Variants in PDE1C observed in about 807,000 individuals in gnomAD.
The protein encoded by PDE1C is dual specificity calcium/calmodulin-dependent 3',5'-cyclic nucleotide phosphodiesterase 1C.
A neutral mutation model predicts 93.1 loss-of-function variants in PDE1C; 62 were observed. That is an observed-to-expected ratio of 0.67 (90% CI 0.54 to 0.82). PDE1C has a LOEUF of 0.82. Among genes scored for constraint, PDE1C ranks in the 40% least tolerant of loss-of-function variants. PDE1C has a pLI of 0.00. For synonymous variants in PDE1C, 325 were observed against 310.1 expected (o/e 1.05, Z -0.50); for missense variants, 742 against 884.6 (o/e 0.84, Z 2.04).
intron 2 of PDE1C, among the ~76,000 whole-genome samples, chr7:31,961,849 T>C (rs1225271652): frequency 1.3e-5 from 2 of 152,206 alleles, no homozygotes; most frequent in Non-Finnish European, 2.9e-5. Context: ...TTTCTTTATG[T>C]CCTTATCAAT....
At chr7:31,945,283 TAAGAAA>T (rs1806457595) in intron 2 of PDE1C, among the ~76,000 whole-genome samples, 1 of 151,754 alleles carries the variant, frequency 6.6e-6, no homozygotes, top group African/African-American at 2.4e-5. Context: ...AATTAAAAAA[TAAGAAA>T]AAAAGATTTT....
At chr7:32,177,798 C>T (rs79670826) in intron 2 of PDE1C, among the ~76,000 whole-genome samples, 2,532 of 152,246 alleles carry the variant, frequency 0.017, 89 homozygotes, top group African/African-American at 0.057. Context: ...GGAATCTGTG[C>T]GTGTAACACA....
rs111624202 is a variant in PDE1C at position 31,755,006 on chromosome 7, C to T, written c.1961-1453G>A. Among the ~76,000 whole-genome samples the T allele has an allele frequency of 3.1e-3, 479 of 152,266 alleles. 7 individuals are homozygous for T. The highest frequency in any genetic ancestry group is 0.011 in the African/African-American group (453 of 41,558). Reference sequence around the variant, plus strand: ...CCTCACTGAAGAGTGGGGGACAAGACGGTCATCGAAGTAACCTTGTATATG... The same window carrying T: ...CCTCACTGAAGAGTGGGGGACAAGATGGTCATCGAAGTAACCTTGTATATG... On this transcript the variant is annotated intron_variant, in intron 17 of 17. Coordinates refer to ENST00000396191, the MANE Select transcript of PDE1C (RefSeq NM_001191057.4).
At chr7:31,715,994 A>G in the PDE1C span, among the ~76,000 whole-genome samples, 1 of 152,156 alleles carries the variant, frequency 6.6e-6, no homozygotes, top group Non-Finnish European at 1.5e-5. Flanking sequence ...CTCCTGTTAC[A>G]AAGATCCCTG....
chr7:31,852,738 T>C (rs991113897), intron 7 of PDE1C, among the ~76,000 whole-genome samples: 1 of 152,162 alleles, frequency 6.6e-6, no homozygotes, highest in Non-Finnish European at 1.5e-5. Flanking sequence ...TAATCTTACA[T>C]TGTATTTTCT....
intron 16 of PDE1C, among the ~76,000 whole-genome samples, chr7:31,790,718 T>C (rs923580184): frequency 6.6e-6 from 1 of 152,104 alleles, no homozygotes; most frequent in Non-Finnish European, 1.5e-5. Flanking sequence ...CCAGAGACAT[T>C]TAAAGCAAGA....
chr7:31,642,956 C>T, the PDE1C span: 69 of 1,614,040 alleles, frequency 4.3e-5, no homozygotes, highest in Admixed American at 2.8e-4. Flanking sequence ...AAGACCACCA[C>T]GAGGGGAGAA....
At chr7:32,220,889 C>T (rs576637433) in intron 1 of PDE1C, among the ~76,000 whole-genome samples, 5 of 152,248 alleles carry the variant, frequency 3.3e-5, no homozygotes, top group Non-Finnish European at 7.4e-5. Context: ...CTACAACATC[C>T]CAAACAAGTG....
At chr7:31,894,003 T>A (rs769583011) in intron 2 of PDE1C, among the ~76,000 whole-genome samples, 3 of 152,226 alleles carry the variant, frequency 2.0e-5, no homozygotes, top group Non-Finnish European at 4.4e-5. Flanking sequence ...ATATATTCTA[T>A]CATTGTGTGT....
intron 3 of PDE1C, among the ~76,000 whole-genome samples, chr7:32,092,965 C>T (rs1797558905): frequency 6.6e-6 from 1 of 152,190 alleles, no homozygotes; most frequent in African/African-American, 2.4e-5. Flanking sequence ...CTTCAAACTA[C>T]AGCTTTCACC....
At chr7:32,166,163 T>G (rs1294949245) in intron 3 of PDE1C, among the ~76,000 whole-genome samples, 4 of 152,188 alleles carry the variant, frequency 2.6e-5, no homozygotes, top group Non-Finnish European at 5.9e-5. Context: ...ATTGTAAAAT[T>G]TTATTTGTCA....
intron 7 of PDE1C, among the ~76,000 whole-genome samples, chr7:31,864,089 A>C (rs937377340): frequency 6.6e-6 from 1 of 152,198 alleles, no homozygotes; most frequent in Non-Finnish European, 1.5e-5. Flanking sequence ...ATTCATACAG[A>C]CCTGTTTTTG....
At chr7:31,758,663 G>A (rs1794629354) in intron 17 of PDE1C, among the ~76,000 whole-genome samples, 1 of 152,146 alleles carries the variant, frequency 6.6e-6, no homozygotes, top group Admixed American at 6.5e-5. Context: ...TTGTTACATA[G>A]TAATATATAT....
At chr7:31,634,498 T>G in the PDE1C span, among the ~76,000 whole-genome samples, 1 of 151,890 alleles carries the variant, frequency 6.6e-6, no homozygotes, top group African/African-American at 2.4e-5. Context: ...TCAGAGAGAG[T>G]AAGAGGCAAG....
At chr7:31,651,098 G>A in the PDE1C span, 3 of 1,596,678 alleles carry the variant, frequency 1.9e-6, no homozygotes, top group East Asian at 4.5e-5. Context: ...TCTTGCAGAG[G>A]ATCAGAGAGG....
intron 17 of PDE1C, among the ~76,000 whole-genome samples, chr7:31,760,132 T>C (rs1164758079): frequency 6.6e-6 from 1 of 152,128 alleles, no homozygotes; most frequent in Non-Finnish European, 1.5e-5. Flanking sequence ...TTTAACTGAG[T>C]TAAACTAGTA....
chr7:32,386,743 T>C (rs964426552), intron 1 of PDE1C, among the ~76,000 whole-genome samples: 3 of 150,936 alleles, frequency 2.0e-5, no homozygotes, highest in Admixed American at 2.0e-4. Flanking sequence ...CCCAAAGCAC[T>C]GCTGTTACAG....
At chr7:32,173,837 C>T (rs1802809305) in intron 2 of PDE1C, among the ~76,000 whole-genome samples, 1 of 152,188 alleles carries the variant, frequency 6.6e-6, no homozygotes, top group African/African-American at 2.4e-5. Flanking sequence ...GAACCTCACA[C>T]ACAAGAGGGA....
the PDE1C span, among the ~76,000 whole-genome samples, chr7:31,684,912 A>G: frequency 6.6e-6 from 1 of 152,232 alleles, no homozygotes; most frequent in Non-Finnish European, 1.5e-5. Context: ...TCCCAGAGAA[A>G]TTAAAAATTA....
Sources: gnomAD v4.1 joint callset for allele counts (sites outside exome capture counted in the v4.1 genomes callset) on GRCh38, gnomAD v4.1.1 for gene constraint, MANE v1.5 for transcripts, NCBI Gene and HGNC (gene_info 2026-07-23, HGNC 2026-07-21) for gene names.